Variants in HYDIN observed in about 807,000 individuals in gnomAD.
The protein encoded by HYDIN is HYDIN axonemal central pair apparatus protein, also known as axonemal central pair apparatus protein HYDIN.
A neutral mutation model predicts 403.9 loss-of-function variants in HYDIN; 132 were observed. That is an observed-to-expected ratio of 0.33 (90% CI 0.28 to 0.38). The LOEUF (loss-of-function observed/expected upper bound fraction) is 0.38, where lower values mean the gene tolerates loss of function less well. HYDIN is among the 10% of genes least tolerant of loss of function. HYDIN has a pLI of 1.00. For synonymous variants in HYDIN, 1,202 were observed against 1,891.7 expected (o/e 0.64, Z 9.46); for missense variants, 2,827 against 5,009.5 (o/e 0.56, Z 13.15).
At chr16:71,044,055 C>T (rs2081376229) in intron 18 of HYDIN, among the ~76,000 whole-genome samples, 1 of 151,474 alleles carries the variant, frequency 6.6e-6, no homozygotes, top group South Asian at 2.1e-4. Flanking sequence ...TGCTTGGGTG[C>T]CAGCCCACCA....
intron 80 of HYDIN, among the ~76,000 whole-genome samples, chr16:70,830,839 T>A (rs1237287065): frequency 6.6e-6 from 1 of 152,152 alleles, no homozygotes; most frequent in African/African-American, 2.4e-5. Flanking sequence ...GTTTCATACA[T>A]GTTAAATTTG....
At chr16:70,981,676 A>C in intron 28 of HYDIN, 108 bp from the exon 29 acceptor site, 1 of 1,419,064 alleles carries the variant, frequency 7.0e-7, no homozygotes, top group Non-Finnish European at 9.2e-7. Context: ...AACCTAAAAA[A>C]AGAAGGAAAG....
At chr16:71,178,815 T>G in intron 4 of HYDIN, 113 bp downstream of exon 4, 1 of 873,054 alleles carries the variant, frequency 1.1e-6, no homozygotes, top group Non-Finnish European at 1.7e-6. Flanking sequence ...CATACTATTT[T>G]CCTAAGTCTA....
intron 70 of HYDIN, 47 bp from the exon 71 acceptor site, chr16:70,860,253 T>A: frequency 6.3e-7 from 1 of 1,589,728 alleles, no homozygotes; most frequent in South Asian, 1.1e-5. Context: ...GACAGGGGAT[T>A]GAGGATTAAG....
chr16:71,170,866 G>C (rs1339935272), intron 5 of HYDIN, among the ~76,000 whole-genome samples: 1 of 152,090 alleles, frequency 6.6e-6, no homozygotes, highest in Non-Finnish European at 1.5e-5. Context: ...TGGGGGAAGG[G>C]GCAGGACAGA....
chr16:71,159,825 AT>A (rs1374958410), intron 6 of HYDIN, among the ~76,000 whole-genome samples: 6 of 152,154 alleles, frequency 3.9e-5, no homozygotes, highest in Admixed American at 6.5e-5. Context: ...GTGAAAAAAA[AT>A]ATCTTCCAAA....
At chr16:71,175,295 T>C (rs1001521346) in intron 5 of HYDIN, among the ~76,000 whole-genome samples, 2 of 151,618 alleles carry the variant, frequency 1.3e-5, no homozygotes, top group African/African-American at 2.4e-5. Context: ...CCACCAACAC[T>C]ACTAATAGTA....
rs370184283 is a variant in HYDIN at position 71,061,343 on chromosome 16, T to G, written c.2377-687A>C. Among the ~76,000 whole-genome samples, 5 of 151,472 alleles carry G rather than the reference T, an allele frequency of 3.3e-5. No individual in the cohort carries two copies. In the South Asian group the frequency reaches 1.0e-3, roughly 32 times the overall value. On this transcript the variant is annotated intron_variant, in intron 17 of 85. Transcript: ENST00000393567. The stretch of plus-strand genomic sequence containing the variant: ...AGTGGCTTATTTACGGCATCTTATA[T>G]GGAAGAGATAAAAGCAAAATCCTAG...
chr16:70,895,873 T>A, intron 54 of HYDIN, 108 bp downstream of exon 54: 1 of 1,368,860 alleles, frequency 7.3e-7, no homozygotes, highest in Non-Finnish European at 9.6e-7. Flanking sequence ...AATTGCCCCA[T>A]GCCCAATCCC....
intron 3 of HYDIN, among the ~76,000 whole-genome samples, chr16:71,179,452 G>A (rs2086814126): frequency 6.6e-6 from 1 of 152,074 alleles, no homozygotes; most frequent in Admixed American, 6.5e-5. Flanking sequence ...GAAAAATGTT[G>A]TCACCAACTT....
In HYDIN at chr16:70,807,334, T is replaced by A. The variant is rs756495323; in HGVS notation, c.*246A>T. On this transcript the variant is annotated 3_prime_UTR_variant, in exon 86 of 86. Coordinates refer to ENST00000393567, the MANE Select transcript of HYDIN (RefSeq NM_001270974.2). ...GAGCTTTGGGGCTATGTCAAGAAAC[T>A]CAATTTAGGGACTCACAAGGATTCA... The A allele has an allele frequency of 2.4e-5, 11 of 457,864 alleles. No homozygotes were observed. Among genetic ancestry groups the A allele is most frequent in the Non-Finnish European group, 4.2e-5 (11 of 262,810 alleles). 28.4% of individuals were successfully genotyped at this position (457,864 alleles called of 1,614,324 possible).
intron 28 of HYDIN, among the ~76,000 whole-genome samples, chr16:70,984,033 C>T (rs1214417588): frequency 6.6e-6 from 1 of 152,250 alleles, no homozygotes; most frequent in Non-Finnish European, 1.5e-5. Context: ...TAAAAGCAGG[C>T]ATTCAAGTCA....
Position 71,031,696 on chromosome 16 carries a change from A to G in HYDIN, c.2751T>C (p.Asn917=), listed in dbSNP as rs150291662. Residue 917 remains asparagine (N), a synonymous_variant, in exon 19 of 86, where the codon AAT becomes AAC. Coordinates refer to ENST00000393567, the MANE Select transcript of HYDIN (RefSeq NM_001270974.2). The stretch of plus-strand genomic sequence containing the variant: ...TTCCTTACCTAAAATGTGCCCCCAA[A>G]TTGAGTTCTGGAGCAAAGGGCTTAT... ...VSDKPFAPEL[N]LGAHFSLDTH... The G allele has an allele frequency of 1.3e-5, 20 of 1,592,580 alleles. 1 individual carries two copies. In the African/African-American group the frequency reaches 2.4e-4, roughly 19 times the overall value.
rs745379240 is a variant in HYDIN at position 71,184,875 on chromosome 16, G to T, written c.251C>A (p.Thr84Lys). The change falls in exon 3 of 86, where the codon ACA becomes AAA. Residue 84 changes from threonine (T) to lysine (K), a missense_variant. Physicochemically the swap from Thr to Lys is moderately conservative, Grantham distance 78. Transcript: ENST00000393567. ...IIELLDMGET[T>K]HQKFSGIDLD... ...ACAGAGAGCAGCTACCTTCTGATGT[G>T]TTGTTTCCCCCATATCTAAGAGTTC... 1 of 1,604,140 alleles carries T rather than the reference G, an allele frequency of 6.2e-7. No individual in the cohort carries two copies. Among genetic ancestry groups the T allele is most frequent in the Admixed American group, 1.7e-5 (1 of 59,584 alleles).
At chr16:70,994,989 G>C (rs2079482138) in intron 23 of HYDIN, among the ~76,000 whole-genome samples, 1 of 151,176 alleles carries the variant, frequency 6.6e-6, no homozygotes, top group Non-Finnish European at 1.5e-5. Flanking sequence ...AAGCTGTAGA[G>C]GGTCTTCATA....
At chr16:71,171,958 T>C (rs894923234) in intron 5 of HYDIN, among the ~76,000 whole-genome samples, 1 of 152,192 alleles carries the variant, frequency 6.6e-6, no homozygotes, top group South Asian at 2.1e-4. Context: ...CAGATAGAAC[T>C]GGGGAGGGCG....
chr16:70,898,919 AT>A (rs147913584), intron 53 of HYDIN, among the ~76,000 whole-genome samples: 2 of 151,722 alleles, frequency 1.3e-5, no homozygotes, highest in African/African-American at 4.8e-5. Flanking sequence ...AATTTTTGTA[AT>A]TTGTAATTTT....
chr16:70,995,595 G>A (rs555286000), intron 23 of HYDIN, among the ~76,000 whole-genome samples: 121 of 152,104 alleles, frequency 8.0e-4, no homozygotes, highest in Admixed American at 1.8e-3. Flanking sequence ...GCAGTGTGGC[G>A]CTAAAATAAA....
At chr16:70,966,936 A>G (rs783726) in intron 36 of HYDIN, among the ~76,000 whole-genome samples, 53 of 148,122 alleles carry the variant, frequency 3.6e-4, no homozygotes, top group African/African-American at 1.1e-3. Context: ...AAGCTCTGAC[A>G]ATATAGATAA....
Sources: gnomAD v4.1 joint callset for allele counts (sites outside exome capture counted in the v4.1 genomes callset) on GRCh38, gnomAD v4.1.1 for gene constraint, MANE v1.5 for transcripts, NCBI Gene and HGNC (gene_info 2026-07-23, HGNC 2026-07-21) for gene names.